CAST: variants seen among roughly 807,000 people sequenced by gnomAD.
CAST encodes the protein calpastatin.
Under a neutral mutation model 119.6 loss-of-function variants are expected in CAST, and 76 were observed. That is an observed-to-expected ratio of 0.64 (90% CI 0.53 to 0.77). The LOEUF (loss-of-function observed/expected upper bound fraction) is 0.77. Ranked by LOEUF, CAST falls within the 30% of genes least tolerant of loss-of-function variation. The probability of loss-of-function intolerance (pLI) is 0.00; values close to 1 mark genes in which losing one functional copy is unlikely to be tolerated. For synonymous variants in CAST, 319 were observed against 331.6 expected (o/e 0.96, Z 0.41); for missense variants, 953 against 946.5 (o/e 1.01, Z -0.09).
the CAST span, among the ~76,000 whole-genome samples, chr5:95,984,547 G>T: frequency 6.6e-6 from 1 of 152,082 alleles, no homozygotes; most frequent in Non-Finnish European, 1.5e-5. Context: ...TTAATCAAAG[G>T]TCTAATACTG....
chr5:96,534,588 G>A (rs1279519168), intron 1 of CAST, among the ~76,000 whole-genome samples: 2 of 151,128 alleles, frequency 1.3e-5, no homozygotes, highest in Non-Finnish European at 2.9e-5. Context: ...AGAATCCCTT[G>A]AACCCAGGAG....
At chr5:96,246,933 C>A in the CAST span, among the ~76,000 whole-genome samples, 1 of 152,304 alleles carries the variant, frequency 6.6e-6, no homozygotes, top group East Asian at 1.9e-4. Flanking sequence ...AACTCCACTT[C>A]TTTTCATAGC....
chr5:96,176,256 TC>T, the CAST span, among the ~76,000 whole-genome samples: 1 of 152,162 alleles, frequency 6.6e-6, no homozygotes, highest in Non-Finnish European at 1.5e-5. Context: ...AGTGTATAGT[TC>T]AAGAGATAAA....
chr5:96,649,317 G>A (rs1224279095), intron 1 of CAST, among the ~76,000 whole-genome samples: 3 of 152,266 alleles, frequency 2.0e-5, no homozygotes, highest in East Asian at 1.9e-4. Flanking sequence ...ACACAAACAT[G>A]TGTTCCTGGC....
intron 1 of CAST, among the ~76,000 whole-genome samples, chr5:96,549,271 G>A (rs540471177): frequency 6.6e-6 from 1 of 152,290 alleles, no homozygotes; most frequent in Admixed American, 6.5e-5. Context: ...TTGGCATTTG[G>A]CATACAATGA....
the CAST span, among the ~76,000 whole-genome samples, chr5:96,401,925 C>T: frequency 1.3e-5 from 2 of 152,304 alleles, no homozygotes; most frequent in African/African-American, 4.8e-5. Flanking sequence ...AATTTTAAAA[C>T]ATATTGCTCC....
the CAST span, among the ~76,000 whole-genome samples, chr5:96,242,101 G>A: frequency 6.8e-6 from 1 of 147,836 alleles, no homozygotes; most frequent in Non-Finnish European, 1.5e-5. Context: ...GGCTTTGGTT[G>A]CCATTGCTTT....
chr5:96,503,219 A>T, the CAST span, among the ~76,000 whole-genome samples: 7 of 152,074 alleles, frequency 4.6e-5, no homozygotes, highest in Non-Finnish European at 8.8e-5. Context: ...GCCTTTTCCT[A>T]TATTGATTTT....
the CAST span, among the ~76,000 whole-genome samples, chr5:96,362,079 C>T: frequency 3.9e-5 from 6 of 151,936 alleles, no homozygotes; most frequent in Middle Eastern, 3.2e-3. Context: ...TGAGAACATG[C>T]GGTGTTTGGT....
chr5:96,405,863 G>T, the CAST span, among the ~76,000 whole-genome samples: 1 of 152,236 alleles, frequency 6.6e-6, no homozygotes, highest in Admixed American at 6.5e-5. Context: ...GATGGGCTAG[G>T]CACGGCTAGT....
the CAST span, among the ~76,000 whole-genome samples, chr5:96,229,902 T>G: frequency 6.6e-6 from 1 of 152,182 alleles, no homozygotes; most frequent in Non-Finnish European, 1.5e-5. Context: ...CCCGTGTTCC[T>G]TCTGTTATAA....
rs200802032 is a variant in CAST at position 96,748,621 on chromosome 5, T to G, written c.1428+8T>G. On this transcript the variant is annotated splice_region_variant and intron_variant, in intron 19 of 31. Coordinates refer to ENST00000675179, the MANE Select transcript of CAST (RefSeq NM_001750.7). ...CCAACTGAAAAGACAGAAGTATGTTTCTAAACATATAAATCTCTAGTTTTG... is the reference window on the plus strand; with the variant it reads ...CCAACTGAAAAGACAGAAGTATGTTGCTAAACATATAAATCTCTAGTTTTG... 1 of 1,293,410 alleles carries G rather than the reference T, an allele frequency of 7.7e-7. No homozygotes were observed. Among genetic ancestry groups the G allele is most frequent in the Non-Finnish European group, 1.1e-6 (1 of 892,760 alleles). 80.1% of individuals were successfully genotyped at this position (1,293,410 alleles called of 1,614,324 possible). A position where few individuals can be genotyped will look rare whatever the true frequency, so the allele number is the denominator to read the frequency against.
At chr5:96,144,836 C>G in the CAST span, among the ~76,000 whole-genome samples, 16 of 151,788 alleles carry the variant, frequency 1.1e-4, no homozygotes, top group African/African-American at 3.9e-4. Flanking sequence ...ACCACCATGC[C>G]CAGCTAATTT....
chr5:96,644,141 A>G (rs1747989422), intron 1 of CAST, among the ~76,000 whole-genome samples: 1 of 152,164 alleles, frequency 6.6e-6, no homozygotes, highest in African/African-American at 2.4e-5. Flanking sequence ...TATACTAAAA[A>G]CCATGGAATT....
the CAST span, among the ~76,000 whole-genome samples, chr5:95,995,071 C>A: frequency 5.9e-5 from 9 of 152,106 alleles, no homozygotes; most frequent in Admixed American, 1.3e-4. Context: ...GTTGTTTCAA[C>A]CCTTGGAGCA....
At chr5:96,163,867 T>C in the CAST span, among the ~76,000 whole-genome samples, 2 of 152,254 alleles carry the variant, frequency 1.3e-5, no homozygotes, top group African/African-American at 4.8e-5. Context: ...ATGGTCACTA[T>C]GTAGGGTCAC....
chr5:96,404,189 G>A, the CAST span, among the ~76,000 whole-genome samples: 30 of 152,328 alleles, frequency 2.0e-4, no homozygotes, highest in Admixed American at 1.4e-3. Flanking sequence ...ACAGGTGGAT[G>A]AGGTTGTAGG....
At chr5:96,371,506 T>C in the CAST span, among the ~76,000 whole-genome samples, 1 of 152,236 alleles carries the variant, frequency 6.6e-6, no homozygotes, top group Non-Finnish European at 1.5e-5. Context: ...AAACATTTAT[T>C]GTCACTGACA....
chr5:96,258,003 C>T, the CAST span, among the ~76,000 whole-genome samples: 2 of 152,124 alleles, frequency 1.3e-5, no homozygotes, highest in Non-Finnish European at 2.9e-5. Context: ...CCACTAAAGG[C>T]TCAGCATGGA....
Sources: gnomAD v4.1 joint callset for allele counts (sites outside exome capture counted in the v4.1 genomes callset) on GRCh38, gnomAD v4.1.1 for gene constraint, MANE v1.5 for transcripts, NCBI Gene and HGNC (gene_info 2026-07-23, HGNC 2026-07-21) for gene names.